The following SLC35F4 variants were observed in gnomAD, a reference collection of about 807,000 sequenced individuals.
SLC35F4 encodes chromosome 14 open reading frame 36.
A neutral mutation model predicts 44.2 loss-of-function variants in SLC35F4; 24 were observed. That is an observed-to-expected ratio of 0.54 (90% confidence interval 0.39 to 0.76). The LOEUF is 0.76. Among genes scored for constraint, SLC35F4 ranks in the 30% least tolerant of loss-of-function variants. SLC35F4 has a pLI of 0.00. For synonymous variants in SLC35F4, 238 were observed against 223.6 expected, an observed-to-expected ratio of 1.06 and a Z score of -0.57; for missense variants, 562 against 586.1, an observed-to-expected ratio of 0.96 and a Z score of 0.42.
intron 1 of SLC35F4, among the ~76,000 whole-genome samples, chr14:57,753,284 G>A (rs118163612): frequency 0.021 from 3,256 of 152,298 alleles, 44 homozygotes; most frequent in East Asian, 0.038. Flanking sequence ...GAGCTGCCAT[G>A]TTTTCCTTAG....
intron 1 of SLC35F4, among the ~76,000 whole-genome samples, chr14:57,610,244 C>T (rs1163501859): frequency 6.6e-6 from 1 of 152,042 alleles, no homozygotes; most frequent in African/African-American, 2.4e-5. Flanking sequence ...AAATTATAAC[C>T]CAATATGAAA....
intron 1 of SLC35F4, among the ~76,000 whole-genome samples, chr14:57,708,418 G>A (rs1566783393): frequency 6.6e-6 from 1 of 152,190 alleles, no homozygotes; most frequent in Non-Finnish European, 1.5e-5. Context: ...CCGGCTCTGT[G>A]TGAATTACTC....
intron 1 of SLC35F4, among the ~76,000 whole-genome samples, chr14:57,623,975 A>T (rs970375030): frequency 3.9e-5 from 6 of 152,124 alleles, no homozygotes; most frequent in African/African-American, 1.4e-4. Flanking sequence ...GGAGATAGAG[A>T]CACAAAAATC....
intron 1 of SLC35F4, among the ~76,000 whole-genome samples, chr14:57,957,814 T>A (rs1890266025): frequency 6.6e-6 from 1 of 152,202 alleles, no homozygotes; most frequent in African/African-American, 2.4e-5. Context: ...TTGTCTTCTC[T>A]TCATAAAATA....
intron 1 of SLC35F4, among the ~76,000 whole-genome samples, chr14:57,650,375 C>G (rs2073734598): frequency 6.6e-6 from 1 of 152,122 alleles, no homozygotes; most frequent in Non-Finnish European, 1.5e-5. Context: ...AAATATTTCT[C>G]TCCTCAGACA....
At chr14:57,633,563 G>A (rs2072885358) in intron 1 of SLC35F4, among the ~76,000 whole-genome samples, 1 of 152,008 alleles carries the variant, frequency 6.6e-6, no homozygotes, top group Admixed American at 6.6e-5. Context: ...AACTTGTACA[G>A]AGACTTCCCA....
chr14:57,656,856 C>T (rs7143864), intron 1 of SLC35F4, among the ~76,000 whole-genome samples: 20,601 of 152,196 alleles, frequency 0.14, 1,676 homozygotes, highest in African/African-American at 0.22. Flanking sequence ...TTTCCTCCCC[C>T]ATCTGTGCTT....
chr14:57,908,935 T>C (rs780929455), intron 1 of SLC35F4, among the ~76,000 whole-genome samples: 3 of 152,224 alleles, frequency 2.0e-5, no homozygotes, highest in Non-Finnish European at 2.9e-5. Flanking sequence ...TGTGAGTCTT[T>C]AATCCATCCT....
chr14:57,891,483 T>C (rs979283084), intron 1 of SLC35F4, among the ~76,000 whole-genome samples: 2 of 152,054 alleles, frequency 1.3e-5, no homozygotes, highest in Non-Finnish European at 2.9e-5. Flanking sequence ...AAATCTTATA[T>C]ATATATATAT....
At chr14:57,904,439 A>G (rs1357812918) in intron 1 of SLC35F4, among the ~76,000 whole-genome samples, 1 of 152,224 alleles carries the variant, frequency 6.6e-6, no homozygotes, top group Non-Finnish European at 1.5e-5. Context: ...ATGGACTCCC[A>G]TGTTCCACTC....
chr14:57,941,390 T>C lies in SLC35F4; in HGVS notation n.282+40523A>G, dbSNP rs866607439. ...AGTACTGATACATGCTGTAACAATA[T>C]GGATGAACCTTGAAAACATTGTCCT... is the stretch of plus-strand genomic sequence containing the variant. On this transcript the variant is annotated intron_variant and non_coding_transcript_variant, in intron 1 of 1. Coordinates refer to the SLC35F4 transcript ENST00000556568. Among the ~76,000 whole-genome samples the C allele has an allele frequency of 2.0e-5, 3 of 152,298 alleles. No individual in the cohort carries two copies. The South Asian group carries it at 6.2e-4, about 32-fold the overall frequency.
intron 1 of SLC35F4, among the ~76,000 whole-genome samples, chr14:57,862,709 C>T (rs1343324198): frequency 6.6e-6 from 1 of 152,234 alleles, no homozygotes; most frequent in Non-Finnish European, 1.5e-5. Flanking sequence ...GTTACTTCCT[C>T]AGTGAGGACT....
chr14:57,750,173 G>T (rs377544376), intron 1 of SLC35F4, among the ~76,000 whole-genome samples: 126 of 152,124 alleles, frequency 8.3e-4, no homozygotes, highest in Middle Eastern at 3.4e-3. Context: ...TTTTACTTAA[G>T]ATAATGATGT....
intron 1 of SLC35F4, among the ~76,000 whole-genome samples, chr14:57,916,684 T>C (rs959442809): frequency 2.0e-5 from 3 of 152,186 alleles, no homozygotes; most frequent in African/African-American, 7.2e-5. Flanking sequence ...GTCTTTATTT[T>C]TTCTTTAATT....
At chr14:57,620,926 T>C (rs1394801491) in intron 1 of SLC35F4, among the ~76,000 whole-genome samples, 5 of 152,082 alleles carry the variant, frequency 3.3e-5, no homozygotes, top group African/African-American at 1.2e-4. Context: ...CCCCATCATC[T>C]CAGCCCAAAA....
At chr14:57,742,093 C>G (rs2076624564) in intron 1 of SLC35F4, among the ~76,000 whole-genome samples, 1 of 152,170 alleles carries the variant, frequency 6.6e-6, no homozygotes, top group African/African-American at 2.4e-5. Flanking sequence ...TGGAAAGGAA[C>G]AACCGGTACG....
intron 1 of SLC35F4, among the ~76,000 whole-genome samples, chr14:57,815,878 A>T (rs1882510004): frequency 6.6e-6 from 1 of 152,212 alleles, no homozygotes; most frequent in African/African-American, 2.4e-5. Flanking sequence ...GAAGTAAAAA[A>T]GATAGTGATG....
chr14:57,590,157 A>G (rs2070072344), intron 2 of SLC35F4, among the ~76,000 whole-genome samples: 1 of 146,796 alleles, frequency 6.8e-6, no homozygotes, highest in African/African-American at 2.5e-5. Flanking sequence ...TGGGAGGCCA[A>G]GGTGGGAGGA....
intron 1 of SLC35F4, among the ~76,000 whole-genome samples, chr14:57,643,197 C>T (rs561593472): frequency 4.8e-4 from 73 of 151,904 alleles, no homozygotes; most frequent in African/African-American, 1.6e-3. Flanking sequence ...TACTAGAGCA[C>T]AGTAATTTGA....
Sources: allele counts gnomAD v4.1 joint callset (sites outside exome capture counted in the v4.1 genomes callset), GRCh38; gene constraint gnomAD v4.1.1; transcripts MANE v1.5; gene names NCBI Gene and HGNC (gene_info 2026-07-23, HGNC 2026-07-21).